Variants in WDPCP observed in about 807,000 individuals in gnomAD.
The protein encoded by WDPCP is WD repeat-containing and planar cell polarity effector protein fritz homolog.
Under a neutral mutation model 93.1 loss-of-function variants are expected in WDPCP, and 71 were observed. The observed-to-expected ratio is 0.76, with a 90% CI of 0.63 to 0.93. The LOEUF is 0.93. Ranked by LOEUF, WDPCP falls within the 40% of genes least tolerant of loss-of-function variation. WDPCP has a pLI of 0.00. For missense variants in WDPCP, 844 were observed against 887.4 expected (o/e 0.95, Z 0.62); for synonymous variants, 315 against 315.0 (o/e 1.00, Z 0.00).
At position 63,190,600 on chromosome 2, in the gene WDPCP, G is replaced by A. The variant is rs561124523; in HGVS notation, c.1916-15768C>T. On this transcript the variant is annotated intron_variant, in intron 14 of 17. Transcript: ENST00000272321. ...TTAATATGGTTATAACTTTTAGAAA[G>A]GACACCAAGAGTTAGAAAAAAAATT... Among the ~76,000 whole-genome samples the A allele has an allele frequency of 4.6e-5, 7 of 151,868 alleles. No homozygotes were observed. In the South Asian group the frequency reaches 1.3e-3, roughly 27 times the overall value.
intron 10 of WDPCP, among the ~76,000 whole-genome samples, chr2:63,393,391 G>C (rs542717849): frequency 6.6e-6 from 1 of 152,032 alleles, no homozygotes; most frequent in Admixed American, 6.6e-5. Flanking sequence ...GTCAGCGGGT[G>C]GGGGGCTAGG....
At chr2:63,210,368 T>G (rs565170225) in intron 14 of WDPCP, among the ~76,000 whole-genome samples, 1 of 152,272 alleles carries the variant, frequency 6.6e-6, no homozygotes, top group East Asian at 1.9e-4. Context: ...AGATTAAAAC[T>G]TCTTTGGTGT....
At chr2:63,579,063 G>A (rs533756737) in intron 1 of WDPCP, among the ~76,000 whole-genome samples, 25 of 152,130 alleles carry the variant, frequency 1.6e-4, no homozygotes, top group Admixed American at 1.2e-3. Flanking sequence ...TGTTCCTTAC[G>A]TTCTCCAGAA....
At position 63,412,089 on chromosome 2, in the gene WDPCP, C is replaced by A. The variant is rs1399665636; in HGVS notation, c.826-7432G>T. On this transcript the variant is annotated intron_variant, in intron 9 of 17. Transcript: ENST00000272321. Reference sequence around the variant, plus strand: ...AGGACATAACCAAAAAAGAAAACTACAGACCGATATCCTTGATGAACATTG... The same window carrying A: ...AGGACATAACCAAAAAAGAAAACTAAAGACCGATATCCTTGATGAACATTG... Among the ~76,000 whole-genome samples the A allele has an allele frequency of 3.9e-5, 6 of 152,174 alleles. No individual in the cohort carries two copies. The East Asian group carries it at 1.2e-3, about 29-fold the overall frequency.
intron 14 of WDPCP, among the ~76,000 whole-genome samples, chr2:63,223,579 A>G (rs1046447989): frequency 2.0e-5 from 3 of 152,138 alleles, no homozygotes; most frequent in African/African-American, 2.4e-5. Flanking sequence ...TCTGCGAAAC[A>G]TAAGACTCAC....
intron 2 of WDPCP, among the ~76,000 whole-genome samples, chr2:63,761,997 T>A (rs975317571): frequency 1.3e-5 from 2 of 152,166 alleles, no homozygotes; most frequent in Non-Finnish European, 2.9e-5. Context: ...GTGCATCAGA[T>A]AAATAGAGAT....
chr2:63,176,145 T>C (rs1383198293), intron 14 of WDPCP, among the ~76,000 whole-genome samples: 2 of 152,230 alleles, frequency 1.3e-5, no homozygotes, highest in East Asian at 1.9e-4. Flanking sequence ...TGCTACCTTA[T>C]GGTTTTGATT....
chr2:63,695,440 T>C (rs553320429), intron 2 of WDPCP, among the ~76,000 whole-genome samples: 2 of 152,186 alleles, frequency 1.3e-5, no homozygotes, highest in Non-Finnish European at 2.9e-5. Flanking sequence ...AATGAATACT[T>C]TTTTTAGCAT....
intron 12 of WDPCP, among the ~76,000 whole-genome samples, chr2:63,358,171 A>C (rs1408074664): frequency 6.6e-6 from 1 of 152,134 alleles, no homozygotes; most frequent in Non-Finnish European, 1.5e-5. Context: ...AATCTGTACA[A>C]CAACCATCAT....
At chr2:63,808,311 CT>C (rs1485935454) in intron 2 of WDPCP, among the ~76,000 whole-genome samples, 1 of 133,238 alleles carries the variant, frequency 7.5e-6, no homozygotes, top group African/African-American at 2.6e-5. Context: ...TCCCTCTCCC[CT>C]CTCCCTCTCC....
chr2:63,139,139 G>C (rs1422428381), intron 17 of WDPCP, among the ~76,000 whole-genome samples: 2 of 147,670 alleles, frequency 1.4e-5, no homozygotes, highest in Non-Finnish European at 3.0e-5. Flanking sequence ...ATACATGTAT[G>C]TGTGTGTATA....
At chr2:63,820,250 A>G (rs1575781991) in intron 1 of WDPCP, among the ~76,000 whole-genome samples, 1 of 152,154 alleles carries the variant, frequency 6.6e-6, no homozygotes, top group East Asian at 1.9e-4. Context: ...GAACATTTTA[A>G]TGTTTATAAA....
At chr2:63,376,186 T>C (rs902604468) in intron 12 of WDPCP, among the ~76,000 whole-genome samples, 2 of 151,966 alleles carry the variant, frequency 1.3e-5, no homozygotes, top group African/African-American at 4.8e-5. Context: ...TTCATAATAC[T>C]GTATAGCCTA....
chr2:63,532,142 C>T (rs553830754), intron 1 of WDPCP, among the ~76,000 whole-genome samples: 16 of 151,840 alleles, frequency 1.1e-4, no homozygotes, highest in East Asian at 3.9e-4. Context: ...TGAAATGAAG[C>T]GAGAAGAGAA....
chr2:63,407,471 T>G (rs1248029575), intron 9 of WDPCP, among the ~76,000 whole-genome samples: 2 of 152,132 alleles, frequency 1.3e-5, no homozygotes, highest in African/African-American at 4.8e-5. Flanking sequence ...CAGTATTATC[T>G]CCTACAGTCT....
intron 9 of WDPCP, among the ~76,000 whole-genome samples, chr2:63,415,880 T>G (rs775412016): frequency 2.6e-5 from 4 of 152,198 alleles, no homozygotes; most frequent in Non-Finnish European, 4.4e-5. Flanking sequence ...AAGCTTGTGC[T>G]TTTTGTCCAG....
At chr2:63,765,571 A>G (rs190316724) in intron 2 of WDPCP, among the ~76,000 whole-genome samples, 2 of 152,324 alleles carry the variant, frequency 1.3e-5, no homozygotes, top group African/African-American at 4.8e-5. Context: ...TTACCCCTCT[A>G]GCTAGATGTA....
At chr2:63,528,002 G>C (rs1056975233) in intron 1 of WDPCP, among the ~76,000 whole-genome samples, 28 of 152,114 alleles carry the variant, frequency 1.8e-4, no homozygotes, top group African/African-American at 6.8e-4. Flanking sequence ...GTGTCTGTTG[G>C]CTGCATAAAT....
chr2:63,721,944 C>T (rs1288323816), intron 2 of WDPCP, among the ~76,000 whole-genome samples: 2 of 152,076 alleles, frequency 1.3e-5, no homozygotes, highest in East Asian at 1.9e-4. Context: ...TTGGCCAGGC[C>T]GGTCTCCAGC....
Sources: gnomAD v4.1 joint callset for allele counts (sites outside exome capture counted in the v4.1 genomes callset) on GRCh38, gnomAD v4.1.1 for gene constraint, MANE v1.5 for transcripts, NCBI Gene and HGNC (gene_info 2026-07-23, HGNC 2026-07-21) for gene names.